The following SYT16 variants were observed in gnomAD, a reference collection of about 807,000 sequenced individuals.
SYT16 encodes synaptotagmin-16.
In SYT16, 42 loss-of-function variants were observed where a neutral mutation model predicts 61.4. The observed-to-expected ratio is 0.68, with a 90% CI of 0.53 to 0.89. The LOEUF is 0.89. Ranked by LOEUF, SYT16 falls within the 40% of genes least tolerant of loss-of-function variation. The pLI, the probability that SYT16 is intolerant of heterozygous loss-of-function variation, is 0.00. For synonymous variants in SYT16, 314 were observed against 302.3 expected (o/e 1.04, Z -0.40); for missense variants, 804 against 807.3 (o/e 1.00, Z 0.05).
chr14:62,013,271 T>C (rs567598015), intron 3 of SYT16, among the ~76,000 whole-genome samples: 25 of 152,334 alleles, frequency 1.6e-4, no homozygotes, highest in South Asian at 8.3e-4. Flanking sequence ...CACATGTATC[T>C]GACTCAAAAC....
intron 1 of SYT16, among the ~76,000 whole-genome samples, chr14:61,963,966 A>G (rs2051209736): frequency 6.6e-6 from 1 of 152,174 alleles, no homozygotes; most frequent in Non-Finnish European, 1.5e-5. Context: ...AGGATGGTTT[A>G]CTGAATATTG....
At chr14:62,098,632 C>T (rs1442148784) in intron 7 of SYT16, among the ~76,000 whole-genome samples, 1 of 152,208 alleles carries the variant, frequency 6.6e-6, no homozygotes, top group Non-Finnish European at 1.5e-5. Flanking sequence ...CCTGACTAGA[C>T]ATGAACATTC....
chr14:61,982,236 G>C (rs943935711), intron 2 of SYT16, among the ~76,000 whole-genome samples: 4 of 152,042 alleles, frequency 2.6e-5, no homozygotes, highest in African/African-American at 9.7e-5. Flanking sequence ...TTTTTGCCTG[G>C]TTGATAGTTC....
intron 1 of SYT16, among the ~76,000 whole-genome samples, chr14:61,881,779 G>C (rs905855147): frequency 6.6e-6 from 1 of 152,096 alleles, no homozygotes; most frequent in Non-Finnish European, 1.5e-5. Flanking sequence ...TGTCTTACGG[G>C]TACCTCAACT....
In SYT16 at chr14:61,918,942, A is replaced by G. The variant is rs571403192; in HGVS notation, c.-324-51190A>G. 2.6e-5 allele frequency among the ~76,000 whole-genome samples: 4 copies of G among 152,254 alleles called. No individual in the cohort carries two copies. The South Asian group carries it at 8.3e-4, about 32-fold the overall frequency. Reference sequence around the variant, plus strand: ...TCAGGAGCTAGAAAAACATTTTTATAACTTTTGGAAATAATATAAGACTAA... The same window carrying G: ...TCAGGAGCTAGAAAAACATTTTTATGACTTTTGGAAATAATATAAGACTAA... On this transcript the variant is annotated intron_variant, in intron 1 of 7. Transcript: ENST00000683842.
chr14:61,870,671 T>C (rs1435086952), intron 1 of SYT16, among the ~76,000 whole-genome samples: 1 of 152,318 alleles, frequency 6.6e-6, no homozygotes, highest in East Asian at 1.9e-4. Flanking sequence ...TGTTTTATTT[T>C]GTCTAGGTTT....
rs533120579 is a variant in SYT16, at chr14:62,060,629, T to C, written c.524-8974T>C. Reference sequence around the variant, plus strand: ...TGTTAATTTGGTGAATTGCATCAACTTTAGTATCTTAAACCAACCTTGCCT... The same window carrying C: ...TGTTAATTTGGTGAATTGCATCAACCTTAGTATCTTAAACCAACCTTGCCT... On this transcript the variant is annotated intron_variant, in intron 3 of 7. Transcript: ENST00000683842. Among the ~76,000 whole-genome samples the C allele has an allele frequency of 2.6e-5, 4 of 152,130 alleles. No individual in the cohort carries two copies. The East Asian group carries it at 7.7e-4, about 29-fold the overall frequency.
chr14:61,896,981 T>C (rs1439643359), intron 1 of SYT16, among the ~76,000 whole-genome samples: 1 of 152,256 alleles, frequency 6.6e-6, no homozygotes, highest in Non-Finnish European at 1.5e-5. Context: ...CAACAAACTA[T>C]GGCCTCTGGG....
At chr14:61,858,120 CAAAA>C (rs34781118) in intron 1 of SYT16, among the ~76,000 whole-genome samples, 2 of 43,230 alleles carry the variant, frequency 4.6e-5, no homozygotes, top group African/African-American at 5.8e-5. Flanking sequence ...CACAGCTTGG[CAAAA>C]AAAAAAAAAA....
At chr14:61,877,495 C>T (rs1468990132) in intron 1 of SYT16, among the ~76,000 whole-genome samples, 2 of 152,210 alleles carry the variant, frequency 1.3e-5, no homozygotes, top group Non-Finnish European at 2.9e-5. Flanking sequence ...CCCAGAAATT[C>T]TGCTTCGTTA....
chr14:61,944,734 A>T (rs1191159139), intron 1 of SYT16, among the ~76,000 whole-genome samples: 1 of 152,236 alleles, frequency 6.6e-6, no homozygotes, highest in East Asian at 1.9e-4. Context: ...TACAAAAATT[A>T]ACTCAAGATC....
chr14:61,870,155 A>G (rs1393056730), intron 1 of SYT16, among the ~76,000 whole-genome samples: 2 of 152,180 alleles, frequency 1.3e-5, no homozygotes, highest in Non-Finnish European at 1.5e-5. Flanking sequence ...ACTATGTGCA[A>G]TGATGCTCAT....
intron 1 of SYT16, among the ~76,000 whole-genome samples, chr14:61,969,420 C>A (rs1422611804): frequency 1.3e-5 from 2 of 152,126 alleles, no homozygotes; most frequent in Non-Finnish European, 2.9e-5. Flanking sequence ...TTGAGGCATA[C>A]TGGGTAGTAC....
At chr14:62,006,364 G>A (rs1055544596) in intron 3 of SYT16, among the ~76,000 whole-genome samples, 2 of 152,052 alleles carry the variant, frequency 1.3e-5, no homozygotes, top group Non-Finnish European at 2.9e-5. Flanking sequence ...ATTTTAATCG[G>A]TGATTTATGT....
intron 1 of SYT16, among the ~76,000 whole-genome samples, chr14:61,858,032 T>C (rs2046828923): frequency 6.7e-6 from 1 of 150,244 alleles, no homozygotes; most frequent in Non-Finnish European, 1.5e-5. Context: ...AAAGCCACTG[T>C]TGTGTTCTCC....
intron 1 of SYT16, among the ~76,000 whole-genome samples, chr14:61,955,540 G>A (rs544548947): frequency 1.4e-4 from 22 of 152,006 alleles, no homozygotes; most frequent in Non-Finnish European, 2.2e-4. Context: ...ATGTGGTACC[G>A]TATTTATCTT....
At chr14:62,058,340 CTTT>C (rs796187620) in intron 3 of SYT16, among the ~76,000 whole-genome samples, 9,840 of 108,578 alleles carry the variant, frequency 0.091, 272 homozygotes, top group Middle Eastern at 0.15. Context: ...TGTTTAAATT[CTTT>C]TTTTTTTTTT....
intron 3 of SYT16, among the ~76,000 whole-genome samples, chr14:62,025,669 T>C (rs1209573448): frequency 6.6e-6 from 1 of 152,162 alleles, no homozygotes; most frequent in African/African-American, 2.4e-5. Context: ...TTCATAATTT[T>C]TTGTATATTT....
chr14:61,854,663 A>G (rs1380454907), intron 1 of SYT16, among the ~76,000 whole-genome samples: 1 of 152,214 alleles, frequency 6.6e-6, no homozygotes, highest in African/African-American at 2.4e-5. Flanking sequence ...CCTTTGACCA[A>G]TTTAGCAAAG....
Sources: allele counts gnomAD v4.1 joint callset (sites outside exome capture counted in the v4.1 genomes callset), GRCh38; gene constraint gnomAD v4.1.1; transcripts MANE v1.5; gene names NCBI Gene and HGNC (gene_info 2026-07-23, HGNC 2026-07-21).